EPAS1: variants seen among roughly 807,000 people sequenced by gnomAD.
EPAS1 encodes the protein endothelial PAS domain-containing protein 1.
In EPAS1, 23 loss-of-function variants were observed where a neutral mutation model predicts 87.9. The observed-to-expected ratio is 0.26, with a 90% CI of 0.19 to 0.37. EPAS1 has a LOEUF of 0.37. Among genes scored for constraint, EPAS1 ranks in the 10% least tolerant of loss-of-function variants. The probability of loss-of-function intolerance (pLI) is 1.00; values close to 1 mark genes in which losing one functional copy is unlikely to be tolerated. For missense variants in EPAS1, 1,138 were observed against 1,120.7 expected, an observed-to-expected ratio of 1.02 and a Z score of -0.22; for synonymous variants, 508 against 444.3, an observed-to-expected ratio of 1.14 and a Z score of -1.80.
At chr2:46,377,865 G>T in intron 9 of EPAS1, 29 bp from the exon 10 acceptor site, 4 of 1,551,728 alleles carry the variant, frequency 2.6e-6, no homozygotes, top group Non-Finnish European at 3.5e-6. Flanking sequence ...GGTTGTGGGT[G>T]TTCACCTCCC....
In EPAS1 at chr2:46,381,930, G is replaced by C. The variant is rs761631309; in HGVS notation, c.2173-45G>C. 1.9e-6 allele frequency: 3 copies of C among 1,557,832 alleles called. No individual in the cohort carries two copies. In the Admixed American group the frequency reaches 5.2e-5, roughly 27 times the overall value. ...CCAACCCACCCAGTCTGGGGACCTG[G>C]TTCTCTGGCCATTTCCCCTTTCCAT... On this transcript the variant is annotated intron_variant, in intron 13 of 15. Coordinates refer to ENST00000263734, the MANE Select transcript of EPAS1 (RefSeq NM_001430.5).
rs181173929 is a variant in EPAS1, at chr2:46,350,323, T to G, written c.217+3260T>G. Among the ~76,000 whole-genome samples, 3 of 152,364 alleles carry G rather than the reference T, an allele frequency of 2.0e-5. No homozygotes were observed. In the South Asian group the frequency reaches 6.2e-4, roughly 32 times the overall value. ...TCACTTTATAATAGGAAATAGCTGG[T>G]TGCATACCTCAAAGTTCAAAAGGCT... On this transcript the variant is annotated intron_variant, in intron 2 of 15. Coordinates refer to ENST00000263734, the MANE Select transcript of EPAS1 (RefSeq NM_001430.5).
Position 46,297,918 on chromosome 2 carries a change from G to C in EPAS1, c.7G>C (p.Ala3Pro), listed in dbSNP as rs759895556. 6.2e-7 allele frequency: 1 copy of C among 1,612,408 alleles called. No individual in the cohort carries two copies. The highest frequency in any genetic ancestry group is 8.5e-7 in the Non-Finnish European group (1 of 1,179,282). Residue 3 changes from alanine (A) to proline (P), a missense_variant, in exon 1 of 16, where the codon GCT (alanine) becomes CCT (proline). By Grantham distance (27) the Ala-to-Pro change is conservative (BLOSUM62 -1). Around this residue, in one of 4 missense-constraint regions of EPAS1, gnomAD observed 351 missense variants for 417.1 expected, o/e 0.84. Transcript: ENST00000263734. MT[A>P]DKEKKRSSSE... The stretch of plus-strand genomic sequence containing the variant: ...TCAAAGGGCCACAGCGACAATGACA[G>C]CTGACAAGGAGAAGAAAAGGTAAGC...
chr2:46,378,147 G>A, intron 10 of EPAS1, 60 bp downstream of exon 10: 1 of 1,542,272 alleles, frequency 6.5e-7, no homozygotes, highest in Non-Finnish European at 8.7e-7. Context: ...ACTGCTGCCA[G>A]ATGGCTGAAG....
intron 1 of EPAS1, among the ~76,000 whole-genome samples, chr2:46,342,383 AAATT>A (rs1478343020): frequency 6.6e-6 from 1 of 152,242 alleles, no homozygotes; most frequent in Non-Finnish European, 1.5e-5. Context: ...AGCTTCTTGC[AAATT>A]GGCTCCAGCT....
intron 1 of EPAS1, among the ~76,000 whole-genome samples, chr2:46,324,089 C>T (rs138680179): frequency 0.039 from 5,894 of 152,264 alleles, 375 homozygotes; most frequent in African/African-American, 0.14. Context: ...GTTTTTGAGA[C>T]GGAGTCTCGT....
At position 46,375,285 on chromosome 2, in the gene EPAS1, A is replaced by G. The variant is rs936457501; in HGVS notation, c.887-405A>G. ...AGTGCTTGACGGGATGGCGCTCCTT[A>G]CCCAGTGTGAAGGGGCTTCTTCTCA... On this transcript the variant is annotated intron_variant, in intron 7 of 15. Transcript: ENST00000263734. The surrounding 1 kb of genome is among the most constrained non-coding windows in gnomAD (Gnocchi z 4.1). Among the ~76,000 whole-genome samples the G allele has an allele frequency of 1.3e-5, 2 of 150,272 alleles. No individual in the cohort carries two copies. The highest frequency in any genetic ancestry group is 1.3e-4 in the Admixed American group (2 of 15,056).
At chr2:46,362,136 G>A (rs775476405) in intron 6 of EPAS1, among the ~76,000 whole-genome samples, 10 of 152,198 alleles carry the variant, frequency 6.6e-5, no homozygotes, top group East Asian at 1.9e-4. Context: ...ATCTAGAGCC[G>A]CCATGTGTCC....
At chr2:46,355,625 C>T (rs928454114) in intron 2 of EPAS1, among the ~76,000 whole-genome samples, 1 of 152,212 alleles carries the variant, frequency 6.6e-6, no homozygotes, top group Admixed American at 6.5e-5. Context: ...ACTACTACGA[C>T]TACCATTATA....
In EPAS1 at chr2:46,379,308, G is replaced by A. The variant is rs770891855; in HGVS notation, c.1554+541G>A. ...AAGGATAAGGTAGAGGGAGGGGTAC[G>A]TGTTTTACAAAACCCCAGGGAAAAC... On this transcript the variant is annotated intron_variant, in intron 11 of 15. Coordinates refer to ENST00000263734, the MANE Select transcript of EPAS1 (RefSeq NM_001430.5). 2.8e-4 allele frequency among the ~76,000 whole-genome samples: 42 copies of A among 152,172 alleles called. 1 individual carries two copies. Among genetic ancestry groups the A allele is most frequent in the Non-Finnish European group, 1.3e-4 (9 of 68,036 alleles).
At chr2:46,381,349 A>G (rs1684886876) in intron 12 of EPAS1, 1 of 575,466 alleles carries the variant, frequency 1.7e-6, no homozygotes, top group Non-Finnish European at 3.1e-6. Context: ...AAGGACTAAC[A>G]TTGCCCAGCC....
intron 1 of EPAS1, among the ~76,000 whole-genome samples, chr2:46,323,280 T>C (rs2104851218): frequency 6.6e-6 from 1 of 152,354 alleles, no homozygotes; most frequent in African/African-American, 2.4e-5. Context: ...ATTCTACTCT[T>C]TGGCACTAAG....
At chr2:46,334,921 T>C (rs1239939439) in intron 1 of EPAS1, among the ~76,000 whole-genome samples, 1 of 152,182 alleles carries the variant, frequency 6.6e-6, no homozygotes, top group East Asian at 1.9e-4. Context: ...AAGCAAGTGT[T>C]CGCGCTGTGG....
chr2:46,356,598 G>C, intron 3 of EPAS1, 126 bp from the exon 4 acceptor site: 1 of 804,216 alleles, frequency 1.2e-6, no homozygotes, highest in Non-Finnish European at 2.2e-6. Context: ...ACACTGGACT[G>C]GGATTATGAG....
chr2:46,324,308 C>T (rs1433507843), intron 1 of EPAS1, among the ~76,000 whole-genome samples: 1 of 152,224 alleles, frequency 6.6e-6, no homozygotes, highest in African/African-American at 2.4e-5. Flanking sequence ...ACCTTGTGAT[C>T]TGCCCACCTC....
At chr2:46,384,291 C>T (rs979472314) in intron 15 of EPAS1, among the ~76,000 whole-genome samples, 3 of 152,168 alleles carry the variant, frequency 2.0e-5, no homozygotes, top group Non-Finnish European at 2.9e-5. Context: ...CCGCACCTCA[C>T]GCTTTCCTCT....
At chr2:46,367,895 C>CTGTG (rs372202131) in intron 6 of EPAS1, among the ~76,000 whole-genome samples, 37 of 151,610 alleles carry the variant, frequency 2.4e-4, no homozygotes, top group Middle Eastern at 3.4e-3. Flanking sequence ...ATGACAGGTT[C>CTGTG]TGTGTGTGTG....
intron 1 of EPAS1, among the ~76,000 whole-genome samples, chr2:46,320,834 G>A (rs1412326770): frequency 6.6e-6 from 1 of 152,206 alleles, no homozygotes; most frequent in Non-Finnish European, 1.5e-5. Flanking sequence ...TTCCTTTGCT[G>A]GTAGTGGTGG....
rs139637476 is a variant in EPAS1 at position 46,332,837 on chromosome 2, G to A, written c.27-14036G>A. On this transcript the variant is annotated intron_variant, in intron 1 of 15. Coordinates refer to ENST00000263734, the MANE Select transcript of EPAS1 (RefSeq NM_001430.5). The stretch of plus-strand genomic sequence containing the variant: ...ATGTGAGGTGAGGGCTCTGGGCCAC[G>A]GGTGTTGGGCAACAGATTGTTCTGT... Among the ~76,000 whole-genome samples, 573 of 152,262 alleles carry A rather than the reference G, an allele frequency of 3.8e-3. 4 individuals carry two copies. The highest frequency in any genetic ancestry group is 0.013 in the African/African-American group (547 of 41,550).
Sources: allele counts gnomAD v4.1 joint callset (sites outside exome capture counted in the v4.1 genomes callset), GRCh38; gene constraint gnomAD v4.1.1; regional missense constraint gnomAD v4.1.1; non-coding constraint Gnocchi (gnomAD v3.1); transcripts MANE v1.5; gene names NCBI Gene and HGNC (gene_info 2026-07-23, HGNC 2026-07-21).